Variants in TBC1D5 observed in about 807,000 individuals in gnomAD.
TBC1D5 encodes TBC1 domain family, member 5.
Under a neutral mutation model 100.3 loss-of-function variants are expected in TBC1D5, and 75 were observed. That is an observed-to-expected ratio of 0.75 (90% CI 0.62 to 0.91). TBC1D5 has a LOEUF of 0.91. Among genes scored for constraint, TBC1D5 ranks in the 40% least tolerant of loss-of-function variants. The pLI, the probability that TBC1D5 is intolerant of heterozygous loss-of-function variation, is 0.00. For synonymous variants in TBC1D5, 323 were observed against 325.6 expected, an observed-to-expected ratio of 0.99 and a Z score of 0.09; for missense variants, 910 against 942.4, an observed-to-expected ratio of 0.97 and a Z score of 0.45.
chr3:17,366,030 C>T (rs7648883), intron 13 of TBC1D5, among the ~76,000 whole-genome samples: 59,924 of 151,986 alleles, frequency 0.39, 12,469 homozygotes, highest in Middle Eastern at 0.46. Flanking sequence ...TGGCTCACAC[C>T]TGTAATCTCA....
intron 16 of TBC1D5, among the ~76,000 whole-genome samples, chr3:17,244,107 AC>A (rs1359174628): frequency 6.6e-6 from 1 of 152,202 alleles, no homozygotes; most frequent in East Asian, 1.9e-4. Context: ...AAAAGCTATG[AC>A]ATAGGAAATC....
intron 1 of TBC1D5, among the ~76,000 whole-genome samples, chr3:17,716,317 T>C (rs2153952207): frequency 6.6e-6 from 1 of 152,240 alleles, no homozygotes. Flanking sequence ...TCAGCTGCAA[T>C]ATTTGTCTGA....
At chr3:17,297,340 G>A (rs1368142406) in intron 14 of TBC1D5, among the ~76,000 whole-genome samples, 1 of 152,182 alleles carries the variant, frequency 6.6e-6, no homozygotes, top group African/African-American at 2.4e-5. Flanking sequence ...ACTTTGGAAG[G>A]CCAAGGTGGG....
intron 3 of TBC1D5, among the ~76,000 whole-genome samples, chr3:17,494,862 C>G (rs2095685870): frequency 6.6e-6 from 1 of 152,246 alleles, no homozygotes; most frequent in Admixed American, 6.5e-5. Context: ...CACCAAGAGT[C>G]TGCACAGCTC....
chr3:17,543,292 G>A (rs1024861057), intron 2 of TBC1D5, among the ~76,000 whole-genome samples: 6 of 152,104 alleles, frequency 3.9e-5, no homozygotes, highest in East Asian at 1.9e-4. Context: ...TTGGGGTGGC[G>A]TTCCTAATCA....
intron 3 of TBC1D5, among the ~76,000 whole-genome samples, chr3:17,434,805 C>A (rs1293473521): frequency 6.6e-6 from 1 of 152,106 alleles, no homozygotes; most frequent in Non-Finnish European, 1.5e-5. Flanking sequence ...GCTTGTAATT[C>A]TCCCCAGAAT....
At chr3:17,349,391 T>A (rs889580176) in intron 13 of TBC1D5, among the ~76,000 whole-genome samples, 1 of 152,236 alleles carries the variant, frequency 6.6e-6, no homozygotes, top group Admixed American at 6.5e-5. Context: ...ATCACTGGTA[T>A]ACATTATTCT....
At chr3:17,167,592 G>A (rs1039480028) in intron 20 of TBC1D5, among the ~76,000 whole-genome samples, 157 bp downstream of exon 21, 13 of 152,212 alleles carry the variant, frequency 8.5e-5, no homozygotes, top group African/African-American at 2.7e-4. Context: ...TAGAAGCAGC[G>A]GGGGCACAAA....
intron 2 of TBC1D5, among the ~76,000 whole-genome samples, chr3:17,539,510 G>A (rs187699809): frequency 2.3e-4 from 35 of 152,000 alleles, no homozygotes; most frequent in Admixed American, 1.8e-3. Context: ...TTCTTCCAGG[G>A]CCTGCTATCT....
At chr3:17,574,858 C>T (rs1287161488) in intron 2 of TBC1D5, among the ~76,000 whole-genome samples, 2 of 152,090 alleles carry the variant, frequency 1.3e-5, no homozygotes, top group African/African-American at 4.8e-5. Flanking sequence ...GCCAACCCTA[C>T]TGGCTTCCAT....
At chr3:17,604,739 C>T (rs1166858791) in intron 2 of TBC1D5, among the ~76,000 whole-genome samples, 2 of 152,074 alleles carry the variant, frequency 1.3e-5, no homozygotes, top group Non-Finnish European at 2.9e-5. Context: ...TCACTGCAAC[C>T]TCAGTGCTCA....
chr3:17,650,711 G>A (rs1297691966), intron 1 of TBC1D5, among the ~76,000 whole-genome samples: 1 of 152,120 alleles, frequency 6.6e-6, no homozygotes, highest in African/African-American at 2.4e-5. Context: ...GTTGCTGCAG[G>A]AATTTTATTC....
At chr3:17,392,069 T>G (rs1256474753) in intron 8 of TBC1D5, among the ~76,000 whole-genome samples, 1 of 152,010 alleles carries the variant, frequency 6.6e-6, no homozygotes. Context: ...TGGGCAAAGA[T>G]CAAATCTAGG....
intron 2 of TBC1D5, among the ~76,000 whole-genome samples, chr3:17,610,558 C>A (rs2061603704): frequency 6.6e-6 from 1 of 152,182 alleles, no homozygotes; most frequent in South Asian, 2.1e-4. Flanking sequence ...CACTCAGCGA[C>A]CACCCAAATT....
At chr3:17,362,257 T>TA (rs1333551773) in intron 13 of TBC1D5, among the ~76,000 whole-genome samples, 1 of 152,128 alleles carries the variant, frequency 6.6e-6, no homozygotes, top group Admixed American at 6.6e-5. Flanking sequence ...ACAATCTCCA[T>TA]AAAAGAAAAA....
intron 4 of TBC1D5, among the ~76,000 whole-genome samples, chr3:17,426,064 A>T (rs576659718): frequency 6.6e-6 from 1 of 152,268 alleles, no homozygotes; most frequent in African/African-American, 2.4e-5. Context: ...TCGAATTGTG[A>T]GAAAAGCTAG....
intron 1 of TBC1D5, among the ~76,000 whole-genome samples, chr3:17,706,962 G>A (rs2074247075): frequency 6.6e-6 from 1 of 151,496 alleles, no homozygotes; most frequent in African/African-American, 2.4e-5. Context: ...TTATCTACAA[G>A]GGTAAATAAA....
At chr3:17,298,519 C>T (rs2082491611) in intron 14 of TBC1D5, among the ~76,000 whole-genome samples, 1 of 152,044 alleles carries the variant, frequency 6.6e-6, no homozygotes, top group African/African-American at 2.4e-5. Flanking sequence ...TGGAAGCAAA[C>T]AAAGGCAGAC....
chr3:17,199,499 G>A (rs1315310725), intron 18 of TBC1D5, among the ~76,000 whole-genome samples: 1 of 152,208 alleles, frequency 6.6e-6, no homozygotes, highest in Non-Finnish European at 1.5e-5. Flanking sequence ...ACAGTTGCAT[G>A]TAGAGTGTAC....
Sources: allele counts gnomAD v4.1 joint callset (sites outside exome capture counted in the v4.1 genomes callset), GRCh38; gene constraint gnomAD v4.1.1; transcripts MANE v1.5; gene names NCBI Gene and HGNC (gene_info 2026-07-23, HGNC 2026-07-21).